Variants in DOCK6 observed in about 807,000 individuals in gnomAD.
The protein encoded by DOCK6 is dedicator of cytokinesis protein 6.
In DOCK6, 167 loss-of-function variants were observed where a neutral mutation model predicts 230.3. The observed-to-expected ratio is 0.73, with a 90% CI of 0.64 to 0.82. The LOEUF (loss-of-function observed/expected upper bound fraction) is 0.82, where lower values mean the gene tolerates loss of function less well. DOCK6 is among the 40% of genes least tolerant of loss of function. The pLI, the probability that DOCK6 is intolerant of heterozygous loss-of-function variation, is 0.00. For synonymous variants in DOCK6, 1,148 were observed against 1,185.0 expected (o/e 0.97, Z 0.64); for missense variants, 2,598 against 2,825.8 (o/e 0.92, Z 1.83).
chr19:11,253,979 C>G (rs2080161945), intron 1 of DOCK6: 1 of 385,652 alleles, frequency 2.6e-6, no homozygotes, highest in African/African-American at 2.1e-5. Flanking sequence ...TCCTTCCCCT[C>G]CCGGCTGGGC....
chr19:11,199,583 CA>C lies in DOCK6; in HGVS notation c.6102-45del, dbSNP rs1166884284. On this transcript the variant is annotated intron_variant, in intron 47 of 47. Coordinates refer to ENST00000294618, the MANE Select transcript of DOCK6 (RefSeq NM_020812.4). ...TGGGTCAGCATGGCCATGGGGCCCC[CA>C]ACTCCATAGACCTCCCAGCCCACAT... 2.6e-6 allele frequency: 4 copies of C among 1,552,896 alleles called. No homozygotes were observed. The Admixed American group carries it at 5.8e-5, about 23-fold the overall frequency.
In DOCK6 at chr19:11,201,914, C is replaced by T. The variant is rs1263381349; in HGVS notation, c.5663G>A (p.Arg1888His). ...CTCCTCCCGGTGGCACACACGGATG[C>T]GAGTCTTGATGTAGGGGAAGGCGTG... Reference protein sequence around the residue: ...TDHAFPYIKTRIRVCHREETV... With the variant: ...TDHAFPYIKTHIRVCHREETV... The change falls in exon 44 of 48, where the codon CGC becomes CAC. Residue 1888 changes from arginine (R) to histidine (H), a missense_variant. Coordinates refer to ENST00000294618, the MANE Select transcript of DOCK6 (RefSeq NM_020812.4). The surrounding 1 kb of genome is among the most constrained non-coding windows in gnomAD (Gnocchi z 4.3). The T allele has an allele frequency of 7.6e-6, 12 of 1,573,712 alleles. No homozygotes were observed. Among genetic ancestry groups the T allele is most frequent in the South Asian group, 4.6e-5 (4 of 87,626 alleles).
Position 11,200,715 on chromosome 19 carries a change from C to T in DOCK6, c.5939+1G>A. On this transcript the variant is annotated splice_donor_variant, in intron 46 of 47. Transcript: ENST00000294618. LOFTEE classifies it high-confidence loss of function. This position sits in a 1 kb window ranked among gnomAD's most constrained non-coding sequence, Gnocchi z 4.3. The stretch of plus-strand genomic sequence containing the variant: ...CCCCTCCTGGGGGGTTTTGCGCCTA[C>T]TTCTTGCAGAAGTCCTTGAAGCAGA... The T allele has an allele frequency of 6.2e-7, 1 of 1,611,834 alleles. No individual in the cohort carries two copies. The highest frequency in any genetic ancestry group is 1.6e-4 in the Middle Eastern group (1 of 6,062).
At position 11,250,960 on chromosome 19, in the gene DOCK6, G is replaced by A. The variant is rs757150719; in HGVS notation, c.634C>T (p.Pro212Ser). 1.9e-6 allele frequency: 3 copies of A among 1,613,696 alleles called. No individual in the cohort carries two copies. In the South Asian group the frequency reaches 3.3e-5, roughly 18 times the overall value. ...TCATTGCGCCGGTCCACATCTTCTG[G>A]GGCCGCCCGCTCTAGCAGAGAGGGC... Reference protein sequence around the residue: ...LLPSLLERAAPEDVDRRNETL... With the variant: ...LLPSLLERAASEDVDRRNETL... The change falls in exon 6 of 48, where the codon CCA becomes TCA. Residue 212 changes from proline to serine, a missense_variant. By Grantham distance (74) the Pro-to-Ser change is moderately conservative (BLOSUM62 -1). Coordinates refer to ENST00000294618, the MANE Select transcript of DOCK6 (RefSeq NM_020812.4).
At chr19:11,237,807 TG>T (rs765360294) in intron 16 of DOCK6, 28 bp from the exon 17 acceptor site, 23 of 1,552,530 alleles carry the variant, frequency 1.5e-5, no homozygotes, top group Non-Finnish European at 1.7e-5. Flanking sequence ...GGGGATCTGC[TG>T]GGGGCTGGGG....
In DOCK6 at chr19:11,202,592, G is replaced by A. The variant is rs374425435; in HGVS notation, c.5353C>T (p.Arg1785Trp). The part of the protein sequence containing the change: ...SITKLAEISH[R>W]LEEFYTERFG... The stretch of plus-strand genomic sequence containing the variant: ...CAACCACAAGGACGTGCCTCCAGCC[G>A]GTGTGAGATCTCTGCCAGCTTCGTG... Residue 1785 changes from arginine to tryptophan, a missense_variant, in exon 42 of 48, where the codon CGG becomes TGG. Coordinates refer to ENST00000294618, the MANE Select transcript of DOCK6 (RefSeq NM_020812.4). This position sits in a 1 kb window ranked among gnomAD's most constrained non-coding sequence, Gnocchi z 5.3. The A allele has an allele frequency of 6.8e-6, 11 of 1,613,862 alleles. No homozygotes were observed. Among genetic ancestry groups the A allele is most frequent in the South Asian group, 5.5e-5 (5 of 91,084 alleles).
At position 11,200,200 on chromosome 19, in the gene DOCK6, G is replaced by C; in HGVS notation, c.6101+108C>G. On this transcript the variant is annotated intron_variant, in intron 47 of 47. Transcript: ENST00000294618. The surrounding 1 kb of genome is among the most constrained non-coding windows in gnomAD (Gnocchi z 4.3). ...AAACAAAACAAAGTCCAAGCTACCA[G>C]CAAACATGTTGCTGTGTATGTGTAC... 3 of 1,147,954 alleles carry C rather than the reference G, an allele frequency of 2.6e-6. No individual in the cohort carries two copies. Among genetic ancestry groups the C allele is most frequent in the East Asian group, 2.7e-5 (1 of 36,886 alleles). The allele number at this position is 1,147,954 out of a possible 1,614,324, so 71.1% of individuals were successfully genotyped here. A position where few individuals can be genotyped will look rare whatever the true frequency, so the allele number is the denominator to read the frequency against.
chr19:11,227,868 G>A lies in DOCK6; in HGVS notation c.2815-391C>T, dbSNP rs79795120. Among the ~76,000 whole-genome samples, 230 of 152,224 alleles carry A rather than the reference G, an allele frequency of 1.5e-3. 2 individuals carry two copies. The highest frequency in any genetic ancestry group is 5.1e-3 in the African/African-American group (213 of 41,520). On this transcript the variant is annotated intron_variant, in intron 23 of 47. Coordinates refer to ENST00000294618, the MANE Select transcript of DOCK6 (RefSeq NM_020812.4). ...GGGCAAGTCAGAGGTGGGACAAAGG[G>A]TGGGGCTTGAGGCACTGGATTTGAA...
Position 11,221,884 on chromosome 19 carries a change from G to T in DOCK6, c.3517C>A (p.Arg1173=), listed in dbSNP as rs145081732. 6.2e-7 allele frequency: 1 copy of T among 1,613,782 alleles called. No individual in the cohort carries two copies. The highest frequency in any genetic ancestry group is 1.7e-5 in the Admixed American group (1 of 60,016). ...ELYLPLLSIA[R]DTLPRLHDFA... ...TCATGCAGCCGTGGCAAGGTATCCC[G>T]TGCAATCGATAGCAGTGGCAGGTAC... The change falls in exon 28 of 48, where the codon CGG becomes AGG. Residue 1173 remains arginine (R), a synonymous_variant. Coordinates refer to ENST00000294618, the MANE Select transcript of DOCK6 (RefSeq NM_020812.4).
intron 1 of DOCK6, among the ~76,000 whole-genome samples, chr19:11,260,892 A>AAAAAAAAAG (rs1423289379): frequency 6.7e-6 from 1 of 148,600 alleles, no homozygotes; most frequent in African/African-American, 2.5e-5. Flanking sequence ...CAAAAAAAAA[A>AAAAAAAAAG]AAAGAAAGAA....
chr19:11,252,478 T>A lies in DOCK6; in HGVS notation c.377+4A>T, dbSNP rs1568264890. ...CCCCTGAGCTGCCCCTAAGTCAGAC[T>A]CACCTTCTGTGGACAATGACCCAGT... On this transcript the variant is annotated splice_donor_region_variant and intron_variant, in intron 4 of 47. Coordinates refer to ENST00000294618, the MANE Select transcript of DOCK6 (RefSeq NM_020812.4). The A allele has an allele frequency of 6.2e-7, 1 of 1,613,858 alleles. No individual in the cohort carries two copies. The highest frequency in any genetic ancestry group is 1.7e-5 in the Admixed American group (1 of 60,022).
At chr19:11,246,212 A>G (rs2080031447) in intron 7 of DOCK6, among the ~76,000 whole-genome samples, 1 of 151,710 alleles carries the variant, frequency 6.6e-6, no homozygotes, top group African/African-American at 2.4e-5. Context: ...GACTACAGGC[A>G]CGTGCCACCA....
chr19:11,229,774 CT>C (rs2079734152), intron 22 of DOCK6, among the ~76,000 whole-genome samples: 2 of 151,856 alleles, frequency 1.3e-5, no homozygotes, highest in Non-Finnish European at 2.9e-5. Flanking sequence ...TATCCCAGCA[CT>C]TTGGGAGGCT....
At chr19:11,244,295 T>A (rs1295501356) in intron 9 of DOCK6, among the ~76,000 whole-genome samples, 1 of 147,304 alleles carries the variant, frequency 6.8e-6, no homozygotes, top group Non-Finnish European at 1.5e-5. Flanking sequence ...AGGCTTGCTG[T>A]GAATTTTTTT....
intron 41 of DOCK6, chr19:11,203,621 A>T: frequency 5.7e-6 from 1 of 176,472 alleles, no homozygotes; most frequent in Non-Finnish European, 1.2e-5. Context: ...CTGGAGCGGG[A>T]GGACACATTA....
At chr19:11,259,881 C>CTTTTTTTTTTTTTT (rs1205836383) in intron 1 of DOCK6, among the ~76,000 whole-genome samples, 3 of 67,780 alleles carry the variant, frequency 4.4e-5, no homozygotes, top group African/African-American at 6.0e-5. Flanking sequence ...CGCGCCCGGC[C>CTTTTTTTTTTTTTT]TTTTTTTTTT....
chr19:11,212,207 A>G, intron 35 of DOCK6, 56 bp from the exon 36 acceptor site: 1 of 1,568,764 alleles, frequency 6.4e-7, no homozygotes, highest in Non-Finnish European at 8.6e-7. Context: ...CAGACCCCAC[A>G]TCAGAGTCTG....
At chr19:11,255,259 C>A (rs2080180030) in intron 1 of DOCK6, among the ~76,000 whole-genome samples, 1 of 151,522 alleles carries the variant, frequency 6.6e-6, no homozygotes, top group South Asian at 2.1e-4. Flanking sequence ...CCTGCCTCAG[C>A]CTCCCAAAGT....
In DOCK6 at chr19:11,243,220, C is replaced by T. The variant is rs1191669102; in HGVS notation, c.1386+38G>A. ...GGGTCCCCAGGGCTAATGCAGCCAG[C>T]GGGGAGTGGGAGAGTCCCTGGCCCC... is the stretch of plus-strand genomic sequence containing the variant. On this transcript the variant is annotated intron_variant, in intron 12 of 47. Transcript: ENST00000294618. This position sits in a 1 kb window ranked among gnomAD's most constrained non-coding sequence, Gnocchi z 6.3. The T allele has an allele frequency of 3.1e-6, 5 of 1,613,258 alleles. No individual in the cohort carries two copies. The highest frequency in any genetic ancestry group is 2.2e-5 in the South Asian group (2 of 91,028).
Sources: gnomAD v4.1 joint callset for allele counts (sites outside exome capture counted in the v4.1 genomes callset) on GRCh38, gnomAD v4.1.1 for gene constraint, Gnocchi (gnomAD v3.1) non-coding constraint, MANE v1.5 for transcripts, NCBI Gene and HGNC (gene_info 2026-07-23, HGNC 2026-07-21) for gene names.